ABCA13: variants seen among roughly 807,000 people sequenced by gnomAD.
The protein encoded by ABCA13 is ATP-binding cassette sub-family A member 13.
ABCA13 carries 476 observed loss-of-function variants against 478.7 expected under a neutral mutation model. The observed-to-expected ratio is 0.99, with a 90% CI of 0.92 to 1.07. The LOEUF (loss-of-function observed/expected upper bound fraction) is 1.07, where lower values mean the gene tolerates loss of function less well. Ranked by LOEUF, ABCA13 falls within the 50% of genes least tolerant of loss-of-function variation. ABCA13 has a pLI of 0.00. For synonymous variants in ABCA13, 2,252 were observed against 2,158.9 expected (o/e 1.04, Z -1.20); for missense variants, 6,060 against 5,910.6 (o/e 1.03, Z -0.83).
At chr7:48,563,827 TGTGTG>T (rs879414611) in intron 55 of ABCA13, among the ~76,000 whole-genome samples, 28,014 of 129,168 alleles carry the variant, frequency 0.22, 2,710 homozygotes, top group East Asian at 0.31. Context: ...TGTGTGTGTG[TGTGTG>T]TGTGTGTTTT....
chr7:48,248,371 C>G lies in ABCA13; in HGVS notation c.1792C>G (p.Leu598Val). The change falls in exon 14 of 62, where the codon CTG becomes GTG. Residue 598 changes from leucine to valine, a missense_variant. Leu to Val is a conservative substitution (Grantham distance 32). Coordinates refer to ENST00000435803, the MANE Select transcript of ABCA13 (RefSeq NM_152701.5). Reference protein sequence around the residue: ...ASLSCTRLFLLLGADPSPEND... With the variant: ...ASLSCTRLFLVLGADPSPEND... ...CCTTTCCTGTACTCGGCTCTTCCTG[C>G]TGCTGGGAGCTGATCCCTCTCCTGA... The G allele has an allele frequency of 5.6e-6, 9 of 1,613,744 alleles. No individual in the cohort carries two copies. The highest frequency in any genetic ancestry group is 5.3e-5 in the African/African-American group (4 of 75,022).
intron 3 of ABCA13, among the ~76,000 whole-genome samples, chr7:48,217,645 G>A (rs1423871798): frequency 7.9e-5 from 12 of 152,164 alleles, no homozygotes; most frequent in Non-Finnish European, 5.9e-5. Flanking sequence ...CTGAGGAAGG[G>A]ACCTGAATAA....
At chr7:48,419,156 A>AC (rs981129780) in intron 41 of ABCA13, among the ~76,000 whole-genome samples, 3 of 151,872 alleles carry the variant, frequency 2.0e-5, no homozygotes, top group African/African-American at 7.3e-5. Context: ...TGAAAACTCC[A>AC]CCCCCATGAT....
At chr7:48,265,492 C>T (rs369372692) in intron 15 of ABCA13, among the ~76,000 whole-genome samples, 215 of 151,522 alleles carry the variant, frequency 1.4e-3, no homozygotes, top group African/African-American at 4.9e-3. Context: ...AAGTCTTTCA[C>T]GTCTTTTTTC....
chr7:48,378,799 A>G (rs1387339444), intron 35 of ABCA13, among the ~76,000 whole-genome samples: 1 of 152,228 alleles, frequency 6.6e-6, no homozygotes, highest in Non-Finnish European at 1.5e-5. Context: ...TACCTTTTCT[A>G]GGGAATGTCT....
Position 48,181,730 on chromosome 7 carries a change from T to C in ABCA13, c.69+10178T>C, listed in dbSNP as rs578114890. 1.8e-4 allele frequency among the ~76,000 whole-genome samples: 28 copies of C among 151,792 alleles called. 2 individuals carry two copies. The South Asian group carries it at 5.8e-3, about 32-fold the overall frequency. Reference sequence around the variant, plus strand: ...ACATTTCTGTTTTGTACCAATTTTATTTTTTTTAAAGCACTGAAACATCAC... The same window carrying C: ...ACATTTCTGTTTTGTACCAATTTTACTTTTTTTAAAGCACTGAAACATCAC... On this transcript the variant is annotated intron_variant, in intron 1 of 61. Transcript: ENST00000435803.
rs766374669 is a variant in ABCA13, at chr7:48,274,864, G to T, written c.5198G>T (p.Arg1733Leu). The T allele has an allele frequency of 3.7e-6, 6 of 1,613,882 alleles. No individual in the cohort carries two copies. The highest frequency in any genetic ancestry group is 2.2e-5 in the South Asian group (2 of 91,080). ...GTTAATCATCTGCTGCAGCTCTCAC[G>T]CCTGTTTCCTAAAGATGTTGTGGAT... ...WNVNHLLQLS[R>L]LFPKDVVDAV... Residue 1733 changes from arginine to leucine, a missense_variant, in exon 17 of 62, where the codon CGC becomes CTC. This residue lies in a region of ABCA13 where 4,423 missense variants were observed against 4,309.1 expected (regional missense o/e 1.03). Coordinates refer to ENST00000435803, the MANE Select transcript of ABCA13 (RefSeq NM_152701.5).
intron 28 of ABCA13, among the ~76,000 whole-genome samples, chr7:48,335,924 A>C (rs532450344): frequency 1.1e-3 from 171 of 152,240 alleles, no homozygotes; most frequent in African/African-American, 3.6e-3. Flanking sequence ...GAATGGCCTG[A>C]CTCCATTAGA....
At chr7:48,257,985 G>A (rs1584476654) in intron 15 of ABCA13, among the ~76,000 whole-genome samples, 2 of 152,216 alleles carry the variant, frequency 1.3e-5, no homozygotes, top group South Asian at 2.1e-4. Flanking sequence ...GTGAAGTGAT[G>A]CAGTCGAGGC....
intron 8 of ABCA13, among the ~76,000 whole-genome samples, chr7:48,235,039 A>T (rs1380208310): frequency 6.6e-6 from 1 of 151,800 alleles, no homozygotes; most frequent in Admixed American, 6.6e-5. Flanking sequence ...CAGTATTTAG[A>T]CTCTGGATCT....
intron 51 of ABCA13, among the ~76,000 whole-genome samples, chr7:48,513,889 C>G (rs1437361026): frequency 6.6e-6 from 1 of 152,162 alleles, no homozygotes; most frequent in East Asian, 1.9e-4. Flanking sequence ...GAAAACCACA[C>G]TGGAATACTC....
intron 31 of ABCA13, among the ~76,000 whole-genome samples, chr7:48,359,398 C>T (rs1301604139): frequency 6.6e-6 from 1 of 151,998 alleles, no homozygotes; most frequent in Admixed American, 6.5e-5. Flanking sequence ...TCACGTCAGA[C>T]TTCAGCTGGC....
chr7:48,411,570 A>C (rs1819244460), intron 40 of ABCA13, among the ~76,000 whole-genome samples: 1 of 152,124 alleles, frequency 6.6e-6, no homozygotes, highest in African/African-American at 2.4e-5. Flanking sequence ...GGCCTCCCAA[A>C]GTGTTGGGAT....
chr7:48,220,230 C>T (rs926513846), intron 4 of ABCA13, among the ~76,000 whole-genome samples: 5 of 152,138 alleles, frequency 3.3e-5, no homozygotes, highest in African/African-American at 1.2e-4. Flanking sequence ...CCAGTTGCCT[C>T]TCTTCACATC....
chr7:48,206,005 C>T (rs1784875150), intron 3 of ABCA13, among the ~76,000 whole-genome samples: 1 of 152,204 alleles, frequency 6.6e-6, no homozygotes, highest in Non-Finnish European at 1.5e-5. Flanking sequence ...TTCTCCTGTG[C>T]TCTATCCCAG....
chr7:48,219,712 A>T (rs1787063528), intron 4 of ABCA13, among the ~76,000 whole-genome samples: 1 of 152,106 alleles, frequency 6.6e-6, no homozygotes, highest in East Asian at 1.9e-4. Flanking sequence ...CTCGGAAGGC[A>T]CCTTGTGCAG....
rs377368531 is a variant in ABCA13 at position 48,584,549 on chromosome 7, G to T, written c.14506-2605G>T. Among the ~76,000 whole-genome samples the T allele has an allele frequency of 3.4e-4, 52 of 152,198 alleles. No homozygotes were observed. In the South Asian group the frequency reaches 0.011, roughly 31 times the overall value. ...GAGCCCATGTGGGTGAGTATATGTG[G>T]GCGTGTGAGTGTACCCTCGATGGAA... is the stretch of plus-strand genomic sequence containing the variant. On this transcript the variant is annotated intron_variant, in intron 56 of 61. Coordinates refer to ENST00000435803, the MANE Select transcript of ABCA13 (RefSeq NM_152701.5).
intron 48 of ABCA13, among the ~76,000 whole-genome samples, chr7:48,496,989 G>GACAT (rs1270913060): frequency 6.6e-6 from 1 of 151,740 alleles, no homozygotes; most frequent in Non-Finnish European, 1.5e-5. Context: ...CCAAACTTGG[G>GACAT]AAGTTTTCAG....
chr7:48,273,784 G>T lies in ABCA13; in HGVS notation c.4118G>T (p.Arg1373Leu), dbSNP rs201391209. The T allele has an allele frequency of 5.0e-5, 80 of 1,611,130 alleles. No homozygotes were observed. The African/African-American group carries it at 1.0e-3, about 21-fold the overall frequency. ...GTAAATACCTCACAGAGGATGTTAC[G>T]TATTCTAGACACGTTAAATTCCACA... ...LYVNTSQRML[R>L]ILDTLNSTFS... Residue 1373 changes from arginine (R) to leucine (L), a missense_variant, in exon 17 of 62, where the codon CGT (arginine) becomes CTT (leucine). Physicochemically the swap from Arg to Leu is moderately radical, Grantham distance 102. This residue lies in a region of ABCA13 where 4,423 missense variants were observed against 4,309.1 expected (regional missense o/e 1.03). Coordinates refer to ENST00000435803, the MANE Select transcript of ABCA13 (RefSeq NM_152701.5).
Sources: allele counts gnomAD v4.1 joint callset (sites outside exome capture counted in the v4.1 genomes callset), GRCh38; gene constraint gnomAD v4.1.1; regional missense constraint gnomAD v4.1.1; transcripts MANE v1.5; gene names NCBI Gene and HGNC (gene_info 2026-07-23, HGNC 2026-07-21).